The following KLF12 variants were observed in gnomAD, a reference collection of about 807,000 sequenced individuals.
KLF12 encodes the protein KLF transcription factor 12, also known as Krueppel-like factor 12.
In KLF12, 9 loss-of-function variants were observed where a neutral mutation model predicts 37.8. The ratio of observed to expected loss-of-function variants is 0.24; its 90% CI spans 0.14 to 0.42. The LOEUF is 0.42. KLF12 is among the 10% of genes least tolerant of loss of function. KLF12 has a pLI of 1.00. For missense variants in KLF12, 411 were observed against 516.0 expected, an observed-to-expected ratio of 0.80 and a Z score of 1.97; for synonymous variants, 208 against 202.1, an observed-to-expected ratio of 1.03 and a Z score of -0.25.
intron 6 of KLF12, among the ~76,000 whole-genome samples, chr13:73,728,738 C>T (rs1346007381): frequency 1.3e-5 from 2 of 152,166 alleles, no homozygotes; most frequent in African/African-American, 4.8e-5. Flanking sequence ...AAATCAGCCT[C>T]GTTTCTGGGG....
chr13:73,905,881 C>G (rs891717926), intron 3 of KLF12, among the ~76,000 whole-genome samples: 1 of 152,084 alleles, frequency 6.6e-6, no homozygotes, highest in African/African-American at 2.4e-5. Flanking sequence ...GATATCTTTT[C>G]CTCAAATTAC....
intron 1 of KLF12, among the ~76,000 whole-genome samples, chr13:74,066,770 C>A (rs1206933499): frequency 6.6e-6 from 1 of 152,146 alleles, no homozygotes; most frequent in African/African-American, 2.4e-5. Flanking sequence ...AGATAGCTGT[C>A]TTTGATAGTC....
chr13:73,822,188 T>C (rs556230599), intron 4 of KLF12, among the ~76,000 whole-genome samples: 4 of 152,368 alleles, frequency 2.6e-5, no homozygotes, highest in African/African-American at 9.6e-5. Flanking sequence ...TGACTTACAT[T>C]CTAATATTAA....
chr13:74,126,277 T>C (rs1877937063), intron 1 of KLF12, among the ~76,000 whole-genome samples: 1 of 152,240 alleles, frequency 6.6e-6, no homozygotes, highest in Non-Finnish European at 1.5e-5. Flanking sequence ...AATAATTGTA[T>C]GAGATTTTGT....
rs532768980 is a variant in KLF12 at position 74,124,187 on chromosome 13, T to G, written c.-32+9552A>C. Reference sequence around the variant, plus strand: ...TTAATCGACTCATTGAGTTCATTTCTTTCTTCAATGAAATATTTTGTGTTT... The same window carrying G: ...TTAATCGACTCATTGAGTTCATTTCGTTCTTCAATGAAATATTTTGTGTTT... On this transcript the variant is annotated intron_variant, in intron 1 of 7. Transcript: ENST00000377669. Among the ~76,000 whole-genome samples the G allele has an allele frequency of 3.9e-5, 6 of 152,380 alleles. No homozygotes were observed. The East Asian group carries it at 9.6e-4, about 24-fold the overall frequency.
intron 5 of KLF12, among the ~76,000 whole-genome samples, chr13:73,774,149 A>C (rs1880438928): frequency 6.6e-6 from 1 of 152,268 alleles, no homozygotes; most frequent in Non-Finnish European, 1.5e-5. Context: ...ACTGTTGTAT[A>C]AATAAAAAGA....
chr13:74,026,481 T>C (rs991887022), intron 1 of KLF12, among the ~76,000 whole-genome samples: 2 of 152,186 alleles, frequency 1.3e-5, no homozygotes, highest in African/African-American at 4.8e-5. Context: ...AATAGTGATA[T>C]TTAAGGTTCT....
At chr13:74,178,182 G>T in the KLF12 span, among the ~76,000 whole-genome samples, 1 of 152,188 alleles carries the variant, frequency 6.6e-6, no homozygotes, top group African/African-American at 2.4e-5. Context: ...AAGGACAAAG[G>T]GGAGGCCTGA....
intron 6 of KLF12, among the ~76,000 whole-genome samples, chr13:73,744,632 A>T (rs1167006225): frequency 6.6e-6 from 1 of 151,950 alleles, no homozygotes; most frequent in Non-Finnish European, 1.5e-5. Context: ...CACAGGAGGA[A>T]CTGCTATAGA....
chr13:73,900,360 C>T (rs1465955073), intron 3 of KLF12, among the ~76,000 whole-genome samples: 1 of 152,152 alleles, frequency 6.6e-6, no homozygotes, highest in Non-Finnish European at 1.5e-5. Flanking sequence ...TTGCAAACTA[C>T]TTCCTTTAAA....
At chr13:73,928,923 AC>A (rs1376941032) in intron 3 of KLF12, among the ~76,000 whole-genome samples, 1 of 151,936 alleles carries the variant, frequency 6.6e-6, no homozygotes, top group Non-Finnish European at 1.5e-5. Context: ...CATAAATAGT[AC>A]CCCCCATAGA....
chr13:74,128,755 A>G (rs770988292), intron 1 of KLF12, among the ~76,000 whole-genome samples: 1 of 152,150 alleles, frequency 6.6e-6, no homozygotes, highest in African/African-American at 2.4e-5. Flanking sequence ...TTCTTTTGTT[A>G]CAAGTTAGCT....
chr13:73,989,640 T>C (rs966356746), intron 2 of KLF12, among the ~76,000 whole-genome samples: 2 of 152,214 alleles, frequency 1.3e-5, no homozygotes, highest in African/African-American at 4.8e-5. Flanking sequence ...CAAAATCAAG[T>C]CAAAGATTTG....
At chr13:73,958,284 C>T (rs1890909097) in intron 2 of KLF12, among the ~76,000 whole-genome samples, 2 of 151,790 alleles carry the variant, frequency 1.3e-5, no homozygotes, top group African/African-American at 4.8e-5. Context: ...CACTCTGTCG[C>T]CCAGGCTGGA....
At chr13:74,077,022 A>C (rs1184662023) in intron 1 of KLF12, among the ~76,000 whole-genome samples, 2 of 152,180 alleles carry the variant, frequency 1.3e-5, no homozygotes, top group African/African-American at 4.8e-5. Flanking sequence ...TATATGTACC[A>C]CATTTTCCTT....
At chr13:73,714,677 G>A (rs1593994982) in intron 7 of KLF12, among the ~76,000 whole-genome samples, 2 of 152,164 alleles carry the variant, frequency 1.3e-5, no homozygotes, top group Non-Finnish European at 2.9e-5. Flanking sequence ...GGAAGCTCAG[G>A]AAGCCAGAGG....
intron 3 of KLF12, among the ~76,000 whole-genome samples, chr13:73,847,798 A>C (rs543369788): frequency 1.3e-5 from 2 of 152,312 alleles, no homozygotes; most frequent in African/African-American, 4.8e-5. Flanking sequence ...ATAAATTTTT[A>C]ATCTTTTCAA....
chr13:74,218,661 C>A, the KLF12 span, among the ~76,000 whole-genome samples: 1 of 152,114 alleles, frequency 6.6e-6, no homozygotes, highest in African/African-American at 2.4e-5. Context: ...CTGTGCAGAG[C>A]TAATTGACCT....
At chr13:74,204,782 G>A in the KLF12 span, among the ~76,000 whole-genome samples, 6 of 152,218 alleles carry the variant, frequency 3.9e-5, no homozygotes, top group African/African-American at 1.2e-4. Flanking sequence ...TCAGGAATTC[G>A]AGGTTGGTGG....
Sources: gnomAD v4.1 joint callset for allele counts (sites outside exome capture counted in the v4.1 genomes callset) on GRCh38, gnomAD v4.1.1 for gene constraint, MANE v1.5 for transcripts, NCBI Gene and HGNC (gene_info 2026-07-23, HGNC 2026-07-21) for gene names.